The following ELAVL2 variants were observed in gnomAD, a reference collection of about 807,000 sequenced individuals.
ELAVL2 encodes the protein ELAV-like protein 2.
Under a neutral mutation model 34.6 loss-of-function variants are expected in ELAVL2, and 4 were observed. The observed-to-expected ratio is 0.12, with a 90% confidence interval of 0.06 to 0.26. The LOEUF is 0.26. ELAVL2 is among the 10% of genes least tolerant of loss of function. ELAVL2 has a pLI of 1.00. For synonymous variants in ELAVL2, 193 were observed against 154.8 expected (o/e 1.25, Z -1.83); for missense variants, 432 against 442.8 (o/e 0.98, Z 0.22).
intron 1 of ELAVL2, among the ~76,000 whole-genome samples, chr9:23,823,743 G>C (rs1294929788): frequency 6.6e-6 from 1 of 152,116 alleles, no homozygotes; most frequent in Non-Finnish European, 1.5e-5. Flanking sequence ...CTACCCTTCT[G>C]TTCCCCAAAA....
At chr9:23,808,163 A>C (rs2062490598) in intron 1 of ELAVL2, among the ~76,000 whole-genome samples, 1 of 152,122 alleles carries the variant, frequency 6.6e-6, no homozygotes, top group African/African-American at 2.4e-5. Flanking sequence ...ATGTACAGTA[A>C]AAATAAGGTA....
intron 3 of ELAVL2, among the ~76,000 whole-genome samples, chr9:23,719,204 G>C (rs1226244817): frequency 6.6e-6 from 1 of 152,132 alleles, no homozygotes; most frequent in Admixed American, 6.5e-5. Flanking sequence ...TAATTACACT[G>C]AATGATTTGG....
At chr9:23,702,518 A>C (rs2037621517) in intron 4 of ELAVL2, among the ~76,000 whole-genome samples, 2 of 152,070 alleles carry the variant, frequency 1.3e-5, no homozygotes, top group South Asian at 4.2e-4. Context: ...ATCATGAGAT[A>C]AGCAGTGGCA....
At chr9:23,798,836 A>G (rs1229222829) in intron 1 of ELAVL2, among the ~76,000 whole-genome samples, 1 of 152,172 alleles carries the variant, frequency 6.6e-6, no homozygotes, top group Non-Finnish European at 1.5e-5. Context: ...TAAATTCATT[A>G]TCTTAAAAAA....
chr9:23,751,098 C>T (rs2051881958), intron 2 of ELAVL2, among the ~76,000 whole-genome samples: 1 of 152,010 alleles, frequency 6.6e-6, no homozygotes, highest in Non-Finnish European at 1.5e-5. Context: ...GTCTATCATC[C>T]CTCACCAAGA....
rs1321003351 is a variant in ELAVL2, at chr9:23,719,828, T to TG, written c.333+11193_333+11194insC. Among the ~76,000 whole-genome samples the TG allele has an allele frequency of 3.5e-3, 529 of 150,850 alleles. 2 individuals are homozygous for TG. Among genetic ancestry groups the TG allele is most frequent in the African/African-American group, 0.012 (514 of 41,238 alleles). On this transcript the variant is annotated intron_variant, in intron 3 of 6. Transcript: ENST00000397312. ...TTATTAAATTTTAAAAGCCACTTTT[T>TG]TTTTTTTTTTTTTGAGATGGGAGTT...
At chr9:23,730,746 C>A (rs1210350910) in intron 3 of ELAVL2, among the ~76,000 whole-genome samples, 1 of 152,018 alleles carries the variant, frequency 6.6e-6, no homozygotes, top group Non-Finnish European at 1.5e-5. Context: ...GCAAGTAATT[C>A]TCTATAAGGG....
the ELAVL2 span, among the ~76,000 whole-genome samples, chr9:23,844,047 G>C: frequency 1.3e-5 from 2 of 151,868 alleles, no homozygotes; most frequent in African/African-American, 4.8e-5. Flanking sequence ...TATTTGAAAA[G>C]CCACTGTTAC....
intron 1 of ELAVL2, among the ~76,000 whole-genome samples, chr9:23,794,682 C>T (rs981692541): frequency 9.2e-5 from 14 of 152,170 alleles, no homozygotes; most frequent in African/African-American, 3.4e-4. Flanking sequence ...ACAAATCAAT[C>T]CTTAATGTTT....
At chr9:23,829,931 T>C (rs1248669942), upstream of ELAVL2, 1 of 152,060 alleles carries the variant, frequency 6.6e-6, no homozygotes, top group Non-Finnish European at 1.5e-5. Flanking sequence ...CCACAGAAAC[T>C]CATTTATTTT....
chr9:23,692,545 G>A lies in ELAVL2; in HGVS notation c.*12C>T, dbSNP rs1174737828. On this transcript the variant is annotated 3_prime_UTR_variant, in exon 7 of 7. Transcript: ENST00000397312. Reference sequence around the variant, plus strand: ...AGTTTTCATATATAAATGGACTGAGGACAAGAGCTCATTAGGCTTTGTGCG... The same window carrying A: ...AGTTTTCATATATAAATGGACTGAGAACAAGAGCTCATTAGGCTTTGTGCG... The A allele has an allele frequency of 1.2e-6, 2 of 1,606,054 alleles. No homozygotes were observed. The highest frequency in any genetic ancestry group is 2.7e-5 in the African/African-American group (2 of 74,676).
At chr9:23,711,433 A>G (rs1214531657) in intron 3 of ELAVL2, among the ~76,000 whole-genome samples, 1 of 152,204 alleles carries the variant, frequency 6.6e-6, no homozygotes, top group African/African-American at 2.4e-5. Flanking sequence ...AGACTTTCAG[A>G]TAAATTTTAG....
At chr9:23,705,215 C>T in intron 3 of ELAVL2, 144 bp from the exon 4 acceptor site, 1 of 882,062 alleles carries the variant, frequency 1.1e-6, no homozygotes, top group South Asian at 1.8e-5. Flanking sequence ...CTGCTTTATT[C>T]ATTTCCAGGA....
intron 3 of ELAVL2, among the ~76,000 whole-genome samples, chr9:23,716,204 T>C (rs1353282577): frequency 6.6e-6 from 1 of 151,130 alleles, no homozygotes; most frequent in Non-Finnish European, 1.5e-5. Context: ...TTAGGAGATA[T>C]ACCTAATGTA....
chr9:23,713,288 C>T (rs926340191), intron 3 of ELAVL2, among the ~76,000 whole-genome samples: 1 of 152,078 alleles, frequency 6.6e-6, no homozygotes, highest in Non-Finnish European at 1.5e-5. Flanking sequence ...AATTTTTTAC[C>T]TGCAGAGATA....
intron 1 of ELAVL2, among the ~76,000 whole-genome samples, chr9:23,791,695 C>T (rs187273210): frequency 6.2e-4 from 95 of 152,264 alleles, no homozygotes; most frequent in African/African-American, 2.3e-3. Context: ...TCTTTACATA[C>T]CCAGAGTAAA....
intron 2 of ELAVL2, among the ~76,000 whole-genome samples, chr9:23,758,054 A>C (rs972681502): frequency 4.6e-5 from 7 of 152,136 alleles, no homozygotes; most frequent in Admixed American, 1.3e-4. Context: ...CCTGTAACCC[A>C]ATTAACGCAC....
chr9:23,771,308 A>T (rs999649749), intron 1 of ELAVL2, among the ~76,000 whole-genome samples: 4 of 152,210 alleles, frequency 2.6e-5, no homozygotes, highest in African/African-American at 7.2e-5. Context: ...AACTGCTCAC[A>T]TTCCTACAAA....
intron 1 of ELAVL2, among the ~76,000 whole-genome samples, chr9:23,786,124 A>T (rs1207478524): frequency 6.6e-6 from 1 of 152,214 alleles, no homozygotes; most frequent in Non-Finnish European, 1.5e-5. Flanking sequence ...TATCTCTGTT[A>T]ACAATGAAGA....
Sources: gnomAD v4.1 joint callset for allele counts (sites outside exome capture counted in the v4.1 genomes callset) on GRCh38, gnomAD v4.1.1 for gene constraint, MANE v1.5 for transcripts, NCBI Gene and HGNC (gene_info 2026-07-23, HGNC 2026-07-21) for gene names.